The following RUNDC3B variants were observed in gnomAD, a reference collection of about 807,000 sequenced individuals.
RUNDC3B encodes RUN domain containing 3B, also known as RUN domain-containing protein 3B.
A neutral mutation model predicts 58.4 loss-of-function variants in RUNDC3B; 33 were observed. The observed-to-expected ratio is 0.56, with a 90% CI of 0.43 to 0.75. The LOEUF is 0.75. Among genes scored for constraint, RUNDC3B ranks in the 30% least tolerant of loss-of-function variants. The pLI is 0.00. For missense variants in RUNDC3B, 501 were observed against 535.7 expected (o/e 0.94, Z 0.64); for synonymous variants, 193 against 195.2 (o/e 0.99, Z 0.10).
In RUNDC3B at chr7:87,656,771, A is replaced by G. The variant is rs966605304; in HGVS notation, c.238+5834A>G. ...GTTAGTTGTATTATAGTTCACCACT[A>G]TTTTTCTTCTAAACTTATTTATCCA... On this transcript the variant is annotated intron_variant, in intron 2 of 10. Transcript: ENST00000394654. Among the ~76,000 whole-genome samples the G allele has an allele frequency of 9.2e-5, 14 of 152,154 alleles. No individual in the cohort carries two copies. In the East Asian group the frequency reaches 2.7e-3, roughly 29 times the overall value.
chr7:87,777,010 A>T (rs1834672682), intron 7 of RUNDC3B, among the ~76,000 whole-genome samples: 3 of 152,204 alleles, frequency 2.0e-5, no homozygotes, highest in South Asian at 4.1e-4. Flanking sequence ...AATTAAATAT[A>T]TGATTTCCTG....
chr7:87,644,148 C>T (rs1405367515), intron 1 of RUNDC3B, among the ~76,000 whole-genome samples: 4 of 152,244 alleles, frequency 2.6e-5, no homozygotes, highest in South Asian at 2.1e-4. Flanking sequence ...CGTGAGCCAC[C>T]GTGCCCAGAC....
chr7:87,822,351 C>G (rs557298199), intron 10 of RUNDC3B, among the ~76,000 whole-genome samples: 1 of 152,166 alleles, frequency 6.6e-6, no homozygotes, highest in African/African-American at 2.4e-5. Context: ...CCGTCTCACA[C>G]CAGTTAGAAT....
chr7:87,696,231 G>A (rs1563140922), intron 2 of RUNDC3B, among the ~76,000 whole-genome samples: 1 of 152,258 alleles, frequency 6.6e-6, no homozygotes, highest in East Asian at 1.9e-4. Flanking sequence ...TCAAGATATA[G>A]AGTAGTCAGT....
chr7:87,671,059 G>T (rs1259606256), intron 2 of RUNDC3B, among the ~76,000 whole-genome samples: 1 of 152,126 alleles, frequency 6.6e-6, no homozygotes, highest in Non-Finnish European at 1.5e-5. Flanking sequence ...CTTGTTTCCT[G>T]GGGGCTCCAA....
chr7:87,809,452 A>T (rs944415832), intron 9 of RUNDC3B, among the ~76,000 whole-genome samples: 4 of 152,190 alleles, frequency 2.6e-5, no homozygotes, highest in Non-Finnish European at 4.4e-5. Flanking sequence ...AACACTGAGC[A>T]ATACTTCCTC....
intron 8 of RUNDC3B, among the ~76,000 whole-genome samples, chr7:87,802,417 A>T (rs1349711994): frequency 1.3e-5 from 2 of 152,186 alleles, no homozygotes; most frequent in Non-Finnish European, 2.9e-5. Flanking sequence ...ATAAATTAAA[A>T]ATAATCATAT....
At chr7:87,794,367 G>A (rs1476803596) in intron 8 of RUNDC3B, among the ~76,000 whole-genome samples, 6 of 152,058 alleles carry the variant, frequency 3.9e-5, no homozygotes, top group East Asian at 1.9e-4. Flanking sequence ...CCCAGGAGGC[G>A]GAGGTTTCAG....
At chr7:87,818,905 C>G (rs1165771338) in intron 10 of RUNDC3B, among the ~76,000 whole-genome samples, 2 of 152,224 alleles carry the variant, frequency 1.3e-5, no homozygotes, top group Admixed American at 1.3e-4. Context: ...AAAAGCCATA[C>G]AGTAAAAACA....
intron 9 of RUNDC3B, among the ~76,000 whole-genome samples, chr7:87,808,454 G>T (rs17330078): frequency 1.3e-5 from 2 of 151,950 alleles, no homozygotes; most frequent in Admixed American, 6.6e-5. Context: ...ATTTCCACCT[G>T]CTTTACTCTG....
intron 10 of RUNDC3B, among the ~76,000 whole-genome samples, chr7:87,829,493 C>G (rs926421877): frequency 6.6e-6 from 1 of 152,146 alleles, no homozygotes; most frequent in African/African-American, 2.4e-5. Flanking sequence ...TGTCAAACAT[C>G]AGATGGCTAT....
At chr7:87,660,456 T>C (rs1375059972) in intron 2 of RUNDC3B, among the ~76,000 whole-genome samples, 2 of 152,148 alleles carry the variant, frequency 1.3e-5, no homozygotes, top group Non-Finnish European at 2.9e-5. Flanking sequence ...GAATGGTTTT[T>C]AAAAATTAAA....
At chr7:87,688,532 CTATT>C (rs956218280) in intron 2 of RUNDC3B, among the ~76,000 whole-genome samples, 5 of 151,522 alleles carry the variant, frequency 3.3e-5, no homozygotes, top group Non-Finnish European at 7.4e-5. Flanking sequence ...AGGAAAAAAA[CTATT>C]TATTATGTGG....
At chr7:87,725,400 T>G (rs1318019861) in intron 4 of RUNDC3B, among the ~76,000 whole-genome samples, 4 of 152,180 alleles carry the variant, frequency 2.6e-5, no homozygotes, top group Non-Finnish European at 5.9e-5. Flanking sequence ...TTCATCCATG[T>G]CCCTACAAAG....
At chr7:87,752,311 A>T (rs1833057843) in intron 6 of RUNDC3B, among the ~76,000 whole-genome samples, 1 of 152,160 alleles carries the variant, frequency 6.6e-6, no homozygotes, top group African/African-American at 2.4e-5. Context: ...ATCAATGTTC[A>T]TCAAGGATAT....
At chr7:87,706,284 G>A (rs1220207279) in intron 3 of RUNDC3B, among the ~76,000 whole-genome samples, 1 of 152,020 alleles carries the variant, frequency 6.6e-6, no homozygotes, top group South Asian at 2.1e-4. Flanking sequence ...AGCTACTTGA[G>A]AGTTTTTTTT....
chr7:87,656,583 A>G (rs1824126463), intron 2 of RUNDC3B, among the ~76,000 whole-genome samples: 1 of 152,148 alleles, frequency 6.6e-6, no homozygotes, highest in Admixed American at 6.6e-5. Flanking sequence ...ATAAAGGGGG[A>G]GGAGGAAAAT....
intron 4 of RUNDC3B, among the ~76,000 whole-genome samples, chr7:87,722,992 T>C (rs1428659450): frequency 6.6e-6 from 1 of 152,196 alleles, no homozygotes; most frequent in Non-Finnish European, 1.5e-5. Context: ...TAGTTCCATA[T>C]TGTTTTTTTC....
rs561574534 is a variant in RUNDC3B at position 87,810,294 on chromosome 7, A to G, written c.1103+2775A>G. On this transcript the variant is annotated intron_variant, in intron 9 of 10. Transcript: ENST00000394654. Reference sequence around the variant, plus strand: ...CCAGCAGTGGATGTAGGCAGCTTTTATAGGCCAAACAAAAGCAAAGTAGAG... The same window carrying G: ...CCAGCAGTGGATGTAGGCAGCTTTTGTAGGCCAAACAAAAGCAAAGTAGAG... 1.6e-4 allele frequency among the ~76,000 whole-genome samples: 25 copies of G among 152,344 alleles called. 1 individual carries two copies. In the South Asian group the frequency reaches 3.5e-3, roughly 21 times the overall value.
Sources: gnomAD v4.1 joint callset for allele counts (sites outside exome capture counted in the v4.1 genomes callset) on GRCh38, gnomAD v4.1.1 for gene constraint, MANE v1.5 for transcripts, NCBI Gene and HGNC (gene_info 2026-07-23, HGNC 2026-07-21) for gene names.